Variants in TNRC6A observed in about 807,000 individuals in gnomAD.
TNRC6A encodes the protein trinucleotide repeat containing adaptor 6A.
A neutral mutation model predicts 221.2 loss-of-function variants in TNRC6A; 44 were observed. That is an observed-to-expected ratio of 0.20 (90% CI 0.16 to 0.26). The LOEUF is 0.26. TNRC6A is among the 10% of genes least tolerant of loss of function. TNRC6A has a pLI of 1.00. For synonymous variants in TNRC6A, 847 were observed against 838.5 expected (o/e 1.01, Z -0.18); for missense variants, 2,199 against 2,404.4 (o/e 0.91, Z 1.79).
upstream of TNRC6A, among the ~76,000 whole-genome samples, chr16:24,727,313 G>A (rs901253473): frequency 3.9e-5 from 6 of 152,150 alleles, no homozygotes; most frequent in Non-Finnish European, 7.3e-5. Context: ...ACAGGCATGA[G>A]CCACCGCGCC....
At chr16:24,742,411 G>A (rs2056910879) in intron 2 of TNRC6A, among the ~76,000 whole-genome samples, 1 of 152,126 alleles carries the variant, frequency 6.6e-6, no homozygotes, top group Admixed American at 6.5e-5. Context: ...AATTGAACTG[G>A]TCCTTAAAGG....
intron 2 of TNRC6A, among the ~76,000 whole-genome samples, chr16:24,645,431 A>G (rs554252048): frequency 1.3e-5 from 2 of 151,614 alleles, no homozygotes; most frequent in South Asian, 4.2e-4. Flanking sequence ...CAGAGGTTGC[A>G]GTGAGCCAAG....
intron 5 of TNRC6A, among the ~76,000 whole-genome samples, chr16:24,781,456 A>AGAT (rs2151774543): frequency 6.6e-6 from 1 of 152,304 alleles, no homozygotes; most frequent in South Asian, 2.1e-4. Flanking sequence ...TTAATGTATT[A>AGAT]CATCAGTCTC....
At chr16:24,651,364 C>G (rs1034997737) in intron 2 of TNRC6A, among the ~76,000 whole-genome samples, 5 of 151,280 alleles carry the variant, frequency 3.3e-5, no homozygotes, top group African/African-American at 9.7e-5. Flanking sequence ...CATGGAGAAA[C>G]CCTGTCTCTA....
At chr16:24,641,329 TCA>T (rs1286507316) in intron 2 of TNRC6A, among the ~76,000 whole-genome samples, 14 of 152,268 alleles carry the variant, frequency 9.2e-5, no homozygotes. Flanking sequence ...CTGATATGAT[TCA>T]CAGTGTTAGG....
chr16:24,764,912 A>AT (rs1744241294), intron 4 of TNRC6A, among the ~76,000 whole-genome samples: 1 of 152,224 alleles, frequency 6.6e-6, no homozygotes, highest in Admixed American at 6.5e-5. Context: ...ATAGTAAGAG[A>AT]TTAACAACTA....
At chr16:24,700,141 T>C (rs2055940744) in intron 2 of TNRC6A, among the ~76,000 whole-genome samples, 4 of 152,058 alleles carry the variant, frequency 2.6e-5, no homozygotes, top group African/African-American at 9.7e-5. Context: ...ACACCTGTAA[T>C]TTTAGCACTT....
At chr16:24,670,096 C>T (rs146938570) in intron 2 of TNRC6A, among the ~76,000 whole-genome samples, 2,183 of 151,588 alleles carry the variant, frequency 0.014, 35 homozygotes, top group Middle Eastern at 0.044. Context: ...ACTACAGGTG[C>T]ATGCCACCAT....
chr16:24,713,030 C>T (rs2056237337), intron 2 of TNRC6A, among the ~76,000 whole-genome samples: 1 of 151,938 alleles, frequency 6.6e-6, no homozygotes, highest in African/African-American at 2.4e-5. Context: ...CCTCCCATTT[C>T]AGCCTCCCAA....
At position 24,729,764 on chromosome 16, in the gene TNRC6A, C is replaced by G. The variant is rs902365758; in HGVS notation, c.-78C>G. 7.3e-6 allele frequency: 10 copies of G among 1,363,270 alleles called. No individual in the cohort carries two copies. The African/African-American group carries it at 1.4e-4, about 19-fold the overall frequency. The allele number at this position is 1,363,270 out of a possible 1,614,324, so 84.4% of individuals were successfully genotyped here. Reference sequence around the variant, plus strand: ...GGCGCTGGTGCAGCGGCTCGGGCCTCTCCCCGCGGCGCTGCGGAGGGCTTG... The same window carrying G: ...GGCGCTGGTGCAGCGGCTCGGGCCTGTCCCCGCGGCGCTGCGGAGGGCTTG... On this transcript the variant is annotated 5_prime_UTR_variant, in exon 1 of 25. Transcript: ENST00000395799.
intron 1 of TNRC6A, among the ~76,000 whole-genome samples, chr16:24,610,847 G>A (rs888879866): frequency 1.3e-5 from 2 of 151,484 alleles, no homozygotes; most frequent in Middle Eastern, 3.4e-3. Flanking sequence ...ATCTCGCTCC[G>A]TCGCCCAGGC....
intron 2 of TNRC6A, among the ~76,000 whole-genome samples, chr16:24,724,204 C>T (rs929530458): frequency 6.6e-6 from 1 of 152,070 alleles, no homozygotes; most frequent in African/African-American, 2.4e-5. Context: ...AAAAACAGTT[C>T]TGTAATGTAG....
In TNRC6A at chr16:24,791,191, C is replaced by T. The variant is rs2058092567; in HGVS notation, c.2549C>T (p.Ser850Phe). The T allele has an allele frequency of 1.9e-6, 3 of 1,614,090 alleles. No individual in the cohort carries two copies. Among genetic ancestry groups the T allele is most frequent in the Non-Finnish European group, 2.5e-6 (3 of 1,180,000 alleles). The change falls in exon 6 of 25, where the codon TCT (serine) becomes TTT (phenylalanine). Residue 850 changes from serine to phenylalanine, a missense_variant. This residue lies in a region of TNRC6A where 1,405 missense variants were observed against 1,400.2 expected (regional missense o/e 1.00). Coordinates refer to ENST00000395799, the MANE Select transcript of TNRC6A (RefSeq NM_014494.4). ...GDGQKSSQGW[S>F]VSASDNWGET... The stretch of plus-strand genomic sequence containing the variant: ...GGACAAAAATCAAGCCAAGGGTGGT[C>T]TGTTTCTGCCAGTGATAACTGGGGA...
At chr16:24,766,446 G>C (rs1394971536) in intron 4 of TNRC6A, among the ~76,000 whole-genome samples, 3 of 152,032 alleles carry the variant, frequency 2.0e-5, no homozygotes, top group South Asian at 2.1e-4. Flanking sequence ...AGTTTCTCCA[G>C]CTAATTCAGG....
intron 4 of TNRC6A, among the ~76,000 whole-genome samples, chr16:24,767,540 T>C (rs1220571867): frequency 1.3e-5 from 2 of 152,208 alleles, no homozygotes; most frequent in African/African-American, 4.8e-5. Flanking sequence ...ATTTATTTTT[T>C]ATTCTTAAAG....
chr16:24,634,852 T>C (rs1901544106), intron 1 of TNRC6A, among the ~76,000 whole-genome samples: 1 of 152,246 alleles, frequency 6.6e-6, no homozygotes, highest in African/African-American at 2.4e-5. Context: ...CAAGCCTGTG[T>C]CTTGCCCTAG....
At chr16:24,623,455 C>T (rs1325103239) in intron 1 of TNRC6A, among the ~76,000 whole-genome samples, 1 of 152,088 alleles carries the variant, frequency 6.6e-6, no homozygotes, top group Non-Finnish European at 1.5e-5. Flanking sequence ...TTATTTGTCT[C>T]ATGAGTCTGC....
In TNRC6A at chr16:24,818,705, G is replaced by A. The variant is rs1406143853; in HGVS notation, c.5080+5G>A. On this transcript the variant is annotated splice_donor_5th_base_variant and intron_variant, in intron 21 of 24. Transcript: ENST00000395799. The stretch of plus-strand genomic sequence containing the variant: ...GTACAGCACAAAGCACTTCAGGTGG[G>A]CCTCGCCTTCGCTCAGGAAGGGAGG... The A allele has an allele frequency of 1.9e-6, 3 of 1,612,344 alleles. No individual in the cohort carries two copies.
At chr16:24,809,615 A>C in intron 18 of TNRC6A, 134 bp downstream of exon 18, 1 of 1,166,240 alleles carries the variant, frequency 8.6e-7, no homozygotes, top group Admixed American at 3.6e-5. Flanking sequence ...ATTTAAAAAA[A>C]GTTGTTATTA....
Sources: gnomAD v4.1 joint callset for allele counts (sites outside exome capture counted in the v4.1 genomes callset) on GRCh38, gnomAD v4.1.1 for gene constraint, gnomAD v4.1.1 regional missense constraint, MANE v1.5 for transcripts, NCBI Gene and HGNC (gene_info 2026-07-23, HGNC 2026-07-21) for gene names.